The following PCDHGA10 variants were observed in gnomAD, a reference collection of about 807,000 sequenced individuals.
PCDHGA10 encodes protocadherin gamma-A10.
A neutral mutation model predicts 59.5 loss-of-function variants in PCDHGA10; 42 were observed. The observed-to-expected ratio is 0.71, with a 90% CI of 0.55 to 0.91. The LOEUF (loss-of-function observed/expected upper bound fraction) is 0.91. PCDHGA10 is among the 40% of genes least tolerant of loss of function. PCDHGA10 has a pLI of 0.00. For synonymous variants in PCDHGA10, 511 were observed against 517.2 expected (o/e 0.99, Z 0.16); for missense variants, 1,111 against 1,198.2 (o/e 0.93, Z 1.07).
At chr5:141,422,705 C>A in intron 1 of PCDHGA10, 1 of 1,602,702 alleles carries the variant, frequency 6.2e-7, no homozygotes, top group East Asian at 2.2e-5. Flanking sequence ...TACTCTCTGA[C>A]GGATGACACT....
At chr5:141,483,240 T>C (rs2099578643) in intron 1 of PCDHGA10, among the ~76,000 whole-genome samples, 2 of 151,742 alleles carry the variant, frequency 1.3e-5, no homozygotes, top group Non-Finnish European at 1.5e-5. Flanking sequence ...TGAACTGATA[T>C]GCATATATCA....
chr5:141,474,721 A>T (rs942537231), intron 1 of PCDHGA10, among the ~76,000 whole-genome samples: 10 of 152,214 alleles, frequency 6.6e-5, no homozygotes, highest in African/African-American at 1.7e-4. Flanking sequence ...CTTCAAAAGG[A>T]CTCTATGCAA....
Position 141,414,926 on chromosome 5 carries a change from G to T in PCDHGA10, c.1751G>T (p.Arg584Leu), listed in dbSNP as rs2095802657. ...DGSTGVELAPRSAEPGYLVTK... is the reference protein window; with the variant it reads ...DGSTGVELAPLSAEPGYLVTK... ...TCCACAGGCGTGGAGCTGGCGCCCC[G>T]CTCCGCAGAGCCCGGCTACCTGGTG... Residue 584 changes from arginine to leucine, a missense_variant, in exon 1 of 4, where the codon CGC becomes CTC. Transcript: ENST00000398610. 3 of 1,614,114 alleles carry T rather than the reference G, an allele frequency of 1.9e-6. No homozygotes were observed. Among genetic ancestry groups the T allele is most frequent in the Admixed American group, 1.7e-5 (1 of 60,028 alleles).
rs562011010 is a variant in PCDHGA10, at chr5:141,427,600, G to A, written c.2436+11989G>A. On this transcript the variant is annotated intron_variant, in intron 1 of 3. Coordinates refer to ENST00000398610, the MANE Select transcript of PCDHGA10 (RefSeq NM_018913.3). ...TCATCCAGCACAAGCCTCACCCTAC[G>A]CATTGGTGAAGTCAACGACAATGCT... The A allele has an allele frequency of 6.7e-5, 46 of 683,296 alleles. 1 individual carries two copies. The East Asian group carries it at 1.2e-3, about 18-fold the overall frequency. 42.3% of individuals were successfully genotyped at this position (683,296 alleles called of 1,614,324 possible). A position where few individuals can be genotyped will look rare whatever the true frequency, so the allele number is the denominator to read the frequency against.
intron 3 of PCDHGA10, among the ~76,000 whole-genome samples, chr5:141,505,697 C>T (rs540949327): frequency 1.4e-4 from 21 of 152,198 alleles, no homozygotes; most frequent in Admixed American, 7.2e-4. Context: ...TGGAGGAGAG[C>T]GAACAAGGAA....
chr5:141,427,881 C>A, intron 1 of PCDHGA10: 1 of 1,563,720 alleles, frequency 6.4e-7, no homozygotes, highest in African/African-American at 1.3e-5. Context: ...GATGCAGGCC[C>A]ACGACCAGGG....
rs553587727 is a variant in PCDHGA10, at chr5:141,419,523, G to A, written c.2436+3912G>A. The A allele has an allele frequency of 2.1e-4, 343 of 1,612,204 alleles. 3 individuals are homozygous for A. The South Asian group carries it at 3.5e-3, about 17-fold the overall frequency. ...AGCCTGCGCGTGTTGGTGGGCGACC[G>A]TAACGACAACGCACCGCGGGTGCTG... On this transcript the variant is annotated intron_variant, in intron 1 of 3. Coordinates refer to ENST00000398610, the MANE Select transcript of PCDHGA10 (RefSeq NM_018913.3).
intron 2 of PCDHGA10, among the ~76,000 whole-genome samples, chr5:141,499,209 C>G (rs1171702973): frequency 6.6e-6 from 1 of 152,096 alleles, no homozygotes; most frequent in Admixed American, 6.5e-5. Context: ...GGCTGTAACC[C>G]AGGCCCTGCC....
In PCDHGA10 at chr5:141,431,878, C is replaced by T. The variant is rs2097425306; in HGVS notation, c.2436+16267C>T. The T allele has an allele frequency of 1.2e-6, 2 of 1,614,054 alleles. No individual in the cohort carries two copies. The highest frequency in any genetic ancestry group is 1.7e-5 in the Admixed American group (1 of 60,010). ...TAATTGCCCTTTTAAATGTAAATGACCAAGATTCTGAGGAAAACGGACAGG... is the reference window on the plus strand; with the variant it reads ...TAATTGCCCTTTTAAATGTAAATGATCAAGATTCTGAGGAAAACGGACAGG... On this transcript the variant is annotated intron_variant, in intron 1 of 3. Transcript: ENST00000398610. The surrounding 1 kb of genome is among the most constrained non-coding windows in gnomAD (Gnocchi z 4.8).
chr5:141,457,149 G>A (rs1016628234), intron 1 of PCDHGA10, among the ~76,000 whole-genome samples: 6 of 152,180 alleles, frequency 3.9e-5, no homozygotes, highest in African/African-American at 1.4e-4. Flanking sequence ...TCAGTTAGAA[G>A]GTGCTACCAT....
chr5:141,455,983 C>T (rs542017964), intron 1 of PCDHGA10, among the ~76,000 whole-genome samples: 23 of 151,546 alleles, frequency 1.5e-4, no homozygotes, highest in African/African-American at 5.1e-4. Context: ...CTGCAAGCTC[C>T]GCCTCTCGGG....
In PCDHGA10 at chr5:141,438,591, C is replaced by T. The variant is rs12717894; in HGVS notation, c.2436+22980C>T. 3.5e-3 allele frequency among the ~76,000 whole-genome samples: 262 copies of T among 75,376 alleles called. 1 individual carries two copies. The highest frequency in any genetic ancestry group is 4.5e-3 in the Non-Finnish European group (168 of 37,204). 49.4% of individuals were successfully genotyped at this position (75,376 alleles called of 152,430 possible). ...TCTGATATACATACATACATACATA[C>T]ATATATATATATATATATATATATA... On this transcript the variant is annotated intron_variant, in intron 1 of 3. Transcript: ENST00000398610.
intron 1 of PCDHGA10, among the ~76,000 whole-genome samples, chr5:141,483,361 A>C (rs752805137): frequency 4.6e-5 from 7 of 152,102 alleles, no homozygotes; most frequent in Non-Finnish European, 7.4e-5. Flanking sequence ...TTTGAAAGCT[A>C]TTGCAATATT....
At position 141,489,562 on chromosome 5, in the gene PCDHGA10, G is replaced by A. The variant is rs770734883; in HGVS notation, c.2437-5245G>A. ...CACCAGCTGCCTGCTGCCAGTGCAG[G>A]TGGTGACTGAACACCCCCTGGAGCT... On this transcript the variant is annotated intron_variant, in intron 1 of 3. Coordinates refer to ENST00000398610, the MANE Select transcript of PCDHGA10 (RefSeq NM_018913.3). The surrounding 1 kb of genome is among the most constrained non-coding windows in gnomAD (Gnocchi z 4.5). 2 of 1,614,114 alleles carry A rather than the reference G, an allele frequency of 1.2e-6. No homozygotes were observed. Among genetic ancestry groups the A allele is most frequent in the Non-Finnish European group, 1.7e-6 (2 of 1,180,028 alleles).
chr5:141,418,840 C>A, intron 1 of PCDHGA10: 1 of 1,614,006 alleles, frequency 6.2e-7, no homozygotes, highest in Non-Finnish European at 8.5e-7. Context: ...GAGGATCTCT[C>A]TCAACACGGT....
In PCDHGA10 at chr5:141,487,169, G is replaced by A. The variant is rs1259980100; in HGVS notation, c.2437-7638G>A. On this transcript the variant is annotated intron_variant, in intron 1 of 3. Coordinates refer to ENST00000398610, the MANE Select transcript of PCDHGA10 (RefSeq NM_018913.3). The surrounding 1 kb of genome is among the most constrained non-coding windows in gnomAD (Gnocchi z 5.0). ...CTCTGTTACTCTCTTAGTGTCCTTA[G>A]AGGAAGACACTCATCCAGTTGTCCC... 6.2e-7 allele frequency: 1 copy of A among 1,613,086 alleles called. No homozygotes were observed. Among genetic ancestry groups the A allele is most frequent in the South Asian group, 1.1e-5 (1 of 91,072 alleles).
chr5:141,462,983 T>C (rs530985795), intron 1 of PCDHGA10, among the ~76,000 whole-genome samples: 278 of 152,304 alleles, frequency 1.8e-3, no homozygotes, highest in Non-Finnish European at 3.4e-3. Flanking sequence ...AACTTTTGCC[T>C]TGGGCTAATT....
At chr5:141,504,634 AG>A (rs2099839600) in intron 2 of PCDHGA10, among the ~76,000 whole-genome samples, 1 of 115,756 alleles carries the variant, frequency 8.6e-6, no homozygotes, top group Non-Finnish European at 1.7e-5. Context: ...ACCTTGGAAA[AG>A]GTTTGATGAT....
Position 141,432,149 on chromosome 5 carries a change from A to G in PCDHGA10, c.2436+16538A>G. The G allele has an allele frequency of 6.2e-7, 1 of 1,613,964 alleles. No individual in the cohort carries two copies. The highest frequency in any genetic ancestry group is 8.5e-7 in the Non-Finnish European group (1 of 1,179,986). On this transcript the variant is annotated intron_variant, in intron 1 of 3. Transcript: ENST00000398610. This position sits in a 1 kb window ranked among gnomAD's most constrained non-coding sequence, Gnocchi z 6.0. Reference sequence around the variant, plus strand: ...CTCCTATTCCGCTTATATCCCAGAGAACAATCCCAGAGGAGTTTCCCTCGT... The same window carrying G: ...CTCCTATTCCGCTTATATCCCAGAGGACAATCCCAGAGGAGTTTCCCTCGT...
Sources: gnomAD v4.1 joint callset for allele counts (sites outside exome capture counted in the v4.1 genomes callset) on GRCh38, gnomAD v4.1.1 for gene constraint, Gnocchi (gnomAD v3.1) non-coding constraint, MANE v1.5 for transcripts, NCBI Gene and HGNC (gene_info 2026-07-23, HGNC 2026-07-21) for gene names.